The following ZNF99 variants were observed in gnomAD, a reference collection of about 807,000 sequenced individuals.
ZNF99 encodes the protein zinc finger protein 99.
ZNF99 carries 8 observed loss-of-function variants against 12.8 expected under a neutral mutation model. The ratio of observed to expected loss-of-function variants is 0.62; its 90% CI spans 0.37 to 1.13. The LOEUF (loss-of-function observed/expected upper bound fraction) is 1.13, where lower values mean the gene tolerates loss of function less well. Ranked by LOEUF, ZNF99 falls within the 50% of genes most tolerant of loss-of-function variation. ZNF99 has a pLI of 0.02. For synonymous variants in ZNF99, 318 were observed against 319.0 expected, an observed-to-expected ratio of 1.00 and a Z score of 0.03; for missense variants, 1,007 against 1,006.2, an observed-to-expected ratio of 1.00 and a Z score of -0.01.
chr19:22,763,168 C>T (rs568027577), intron 3 of ZNF99, among the ~76,000 whole-genome samples: 8 of 152,130 alleles, frequency 5.3e-5, no homozygotes, highest in African/African-American at 1.7e-4. Flanking sequence ...TAAAGGGCAT[C>T]AAAATTGGTA....
intron 3 of ZNF99, among the ~76,000 whole-genome samples, chr19:22,762,140 A>G (rs1378367769): frequency 1.3e-5 from 2 of 152,076 alleles, no homozygotes; most frequent in Non-Finnish European, 2.9e-5. Context: ...AGTCACAGTC[A>G]GAGCAGAATG....
At chr19:22,779,419 G>A (rs1973363868) in intron 1 of ZNF99, among the ~76,000 whole-genome samples, 1 of 152,080 alleles carries the variant, frequency 6.6e-6, no homozygotes, top group South Asian at 2.1e-4. Context: ...AGCTCCTCAG[G>A]AGGCTAAGGC....
chr19:22,762,240 A>T (rs976795572), intron 3 of ZNF99, among the ~76,000 whole-genome samples: 1 of 152,184 alleles, frequency 6.6e-6, no homozygotes, highest in African/African-American at 2.4e-5. Context: ...TTGATAGACC[A>T]TTAGCAAGAT....
In ZNF99 at chr19:22,757,378, G is replaced by C. The variant is rs1328090133; in HGVS notation, c.2531C>G (p.Pro844Arg). Reference sequence around the variant, plus strand: ...CTTTGCCACATTCTTCACATTTGCAGGGTTTCTCTCCATATGAATTACCTT... The same window carrying C: ...CTTTGCCACATTCTTCACATTTGCACGGTTTCTCTCCATATGAATTACCTT... ...LHKVIHMERN[P>R]ANVKNVAKLL... The change falls in exon 4 of 4, where the codon CCT (proline) becomes CGT (arginine). Residue 844 changes from proline to arginine, a missense_variant. Coordinates refer to ENST00000596209, the MANE Select transcript of ZNF99 (RefSeq NM_001080409.3). 6.2e-7 allele frequency: 1 copy of C among 1,608,972 alleles called. No homozygotes were observed. Among genetic ancestry groups the C allele is most frequent in the African/African-American group, 1.3e-5 (1 of 74,324 alleles).
rs190359054 is a variant in ZNF99, at chr19:22,752,933, T to G, written c.*4381A>C. On this transcript the variant is annotated 3_prime_UTR_variant, in exon 4 of 4. Transcript: ENST00000596209. The stretch of plus-strand genomic sequence containing the variant: ...TTTTAAGTTAACCACAAAAAGCCTC[T>G]CCATTTAGATTTTTATCATGCATTT... 2 of 152,100 alleles carry G rather than the reference T, an allele frequency of 1.3e-5. No individual in the cohort carries two copies. Among genetic ancestry groups the G allele is most frequent in the East Asian group, 3.8e-4 (2 of 5,200 alleles). The allele number at this position is 152,100 out of a possible 1,614,324, so 9.4% of individuals were successfully genotyped here.
At chr19:22,777,557 G>A (rs1369996281) in intron 1 of ZNF99, among the ~76,000 whole-genome samples, 1 of 152,162 alleles carries the variant, frequency 6.6e-6, no homozygotes, top group Non-Finnish European at 1.5e-5. Context: ...AACTCTATGG[G>A]TGAAAGAGAG....
rs34726149 is a variant in ZNF99, at chr19:22,769,309, A to G, written c.19T>C (p.Trp7Arg). 208,930 of 1,606,102 alleles carry G rather than the reference A, an allele frequency of 0.13. 16,331 individuals are homozygous for G. The highest frequency in any genetic ancestry group is 0.38 in the African/African-American group (28,206 of 74,490). Residue 7 changes from tryptophan (W) to arginine (R), a missense_variant, in exon 2 of 4, where the codon TGG becomes CGG. Physicochemically the swap from Trp to Arg is moderately radical, Grantham distance 101 (BLOSUM62 -3). Coordinates refer to ENST00000596209, the MANE Select transcript of ZNF99 (RefSeq NM_001080409.3). ...AGAGCGAATTCTATGGTCACATCCCAAAATGTCAACGATCCCTGAAAAACA... is the reference window on the plus strand; with the variant it reads ...AGAGCGAATTCTATGGTCACATCCCGAAATGTCAACGATCCCTGAAAAACA... MGSLTF[W>R]DVTIEFALEE... is the part of the protein sequence containing the mutation.
rs991720284 is a variant in ZNF99, at chr19:22,762,624, C to T, written c.227-2942G>A. On this transcript the variant is annotated intron_variant, in intron 3 of 3. Transcript: ENST00000596209. ...AAGATAGAGAAAGAGGGAGCCCTTC[C>T]TAATTCATTCTATGAAGCCAGCATC... 5.9e-5 allele frequency among the ~76,000 whole-genome samples: 9 copies of T among 152,210 alleles called. No homozygotes were observed. In the East Asian group the frequency reaches 1.7e-3, roughly 29 times the overall value.
Position 22,756,610 on chromosome 19 carries a change from T to A in ZNF99, c.*704A>T. ...GGATTGCTTAAAAGCTTTGCCACAT[T>A]CTTCACATTTGTACGGTTTCTCCCC... is the stretch of plus-strand genomic sequence containing the variant. On this transcript the variant is annotated 3_prime_UTR_variant, in exon 4 of 4. Transcript: ENST00000596209. 6.3e-7 allele frequency: 1 copy of A among 1,599,956 alleles called. No individual in the cohort carries two copies. Among genetic ancestry groups the A allele is most frequent in the South Asian group, 1.1e-5 (1 of 90,898 alleles).
At chr19:22,781,310 C>T (rs773882873) in intron 1 of ZNF99, among the ~76,000 whole-genome samples, 104 of 151,838 alleles carry the variant, frequency 6.8e-4, no homozygotes, top group Admixed American at 1.9e-3. Context: ...ACTTAAGTGC[C>T]CAATAACTCC....
chr19:22,766,942 T>C (rs1179092025), intron 3 of ZNF99, among the ~76,000 whole-genome samples: 3 of 151,992 alleles, frequency 2.0e-5, no homozygotes, highest in Admixed American at 6.6e-5. Context: ...TGAGACACCA[T>C]GCCTGGCGTA....
chr19:22,758,830 T>G lies in ZNF99; in HGVS notation c.1079A>C (p.Glu360Ala). The change falls in exon 4 of 4, where the codon GAG (glutamate) becomes GCG (alanine). Residue 360 changes from glutamate (E) to alanine (A), a missense_variant. Glu to Ala is a moderately radical substitution (Grantham distance 107). Coordinates refer to ENST00000596209, the MANE Select transcript of ZNF99 (RefSeq NM_001080409.3). ...GGGTTTCTCTTCAGTATGAATTATCTCATGTTTTCTAAGGGTTGAGGACTG... is the reference window on the plus strand; with the variant it reads ...GGGTTTCTCTTCAGTATGAATTATCGCATGTTTTCTAAGGGTTGAGGACTG... ...FSQSSTLRKH[E>A]IIHTEEKPYK... 1 of 1,606,188 alleles carries G rather than the reference T, an allele frequency of 6.2e-7. No homozygotes were observed. The highest frequency in any genetic ancestry group is 8.5e-7 in the Non-Finnish European group (1 of 1,175,026).
chr19:22,756,855 C>A lies in ZNF99; in HGVS notation c.*459G>T, dbSNP rs552303894. 2 of 1,611,848 alleles carry A rather than the reference C, an allele frequency of 1.2e-6. No homozygotes were observed. The highest frequency in any genetic ancestry group is 1.7e-5 in the Admixed American group (1 of 59,934). ...GGCTGAGAAATGCTTAAAAGCTTTG[C>A]CACATTCTTCACATTTGTAGGGTTT... On this transcript the variant is annotated 3_prime_UTR_variant, in exon 4 of 4. Transcript: ENST00000596209.
At chr19:22,769,368 A>C in intron 1 of ZNF99, 44 bp from the exon 2 acceptor site, 1 of 1,567,940 alleles carries the variant, frequency 6.4e-7, no homozygotes, top group Non-Finnish European at 8.6e-7. Context: ...CCAATTGGCC[A>C]TGGACAGAAT....
At position 22,768,359 on chromosome 19, in the gene ZNF99, G is replaced by A. The variant is rs1973227685; in HGVS notation, c.172C>T (p.Gln58Ter). Residue 58 changes from glutamine (Q) to a stop codon, truncating the protein, a stop_gained, in exon 3 of 4, where the codon CAA (glutamine) becomes TAA (stop). Coordinates refer to ENST00000596209, the MANE Select transcript of ZNF99 (RefSeq NM_001080409.3). LOFTEE classifies it high-confidence loss of function. Reference protein sequence around the residue: ...SKLDLITCLKQGKEPWNMKRH... With the variant: ...SKLDLITCLK The stretch of plus-strand genomic sequence containing the variant: ...TTCATATTCCAAGGCTCTTTCCCTT[G>A]CTTCAGACAAGTTATCAAGTCTAGC... The A allele has an allele frequency of 1.2e-6, 2 of 1,613,738 alleles. No individual in the cohort carries two copies. The highest frequency in any genetic ancestry group is 2.2e-5 in the East Asian group (1 of 44,846).
rs1292986676 is a variant in ZNF99, at chr19:22,752,731, A to G, written c.*4583T>C. The G allele has an allele frequency of 6.6e-6, 1 of 152,174 alleles. No individual in the cohort carries two copies. Among genetic ancestry groups the G allele is most frequent in the Non-Finnish European group, 1.5e-5 (1 of 68,008 alleles). 9.4% of individuals were successfully genotyped at this position (152,174 alleles called of 1,614,324 possible). ...CTTAACATGTCAAAAAATGTTTAAAAAATTAAGTTTACATATAATCTAAAA... is the reference window on the plus strand; with the variant it reads ...CTTAACATGTCAAAAAATGTTTAAAGAATTAAGTTTACATATAATCTAAAA... On this transcript the variant is annotated 3_prime_UTR_variant, in exon 4 of 4. Coordinates refer to ENST00000596209, the MANE Select transcript of ZNF99 (RefSeq NM_001080409.3).
intron 3 of ZNF99, among the ~76,000 whole-genome samples, chr19:22,761,982 C>A (rs946284890): frequency 6.6e-6 from 1 of 151,986 alleles, no homozygotes; most frequent in African/African-American, 2.4e-5. Context: ...TAGGATACAG[C>A]AAAGGAGATG....
rs552617618 is a variant in ZNF99, at chr19:22,757,145, A to G, written c.*169T>C. On this transcript the variant is annotated 3_prime_UTR_variant, in exon 4 of 4. Transcript: ENST00000596209. Reference sequence around the variant, plus strand: ...TTTGTAGGGCTTCTCCCCAGTATGAACTGCTTTATGTCTAGTAAGGTGTGA... The same window carrying G: ...TTTGTAGGGCTTCTCCCCAGTATGAGCTGCTTTATGTCTAGTAAGGTGTGA... 1.9e-6 allele frequency: 3 copies of G among 1,612,746 alleles called. No individual in the cohort carries two copies. The highest frequency in any genetic ancestry group is 2.7e-5 in the African/African-American group (2 of 74,834).
In ZNF99 at chr19:22,758,181, T is replaced by C. The variant is rs753512262; in HGVS notation, c.1728A>G (p.Gln576=). 6 of 1,609,626 alleles carry C rather than the reference T, an allele frequency of 3.7e-6. No individual in the cohort carries two copies. The highest frequency in any genetic ancestry group is 1.4e-5 in the African/African-American group (1 of 73,502). The change falls in exon 4 of 4, where the codon CAA becomes CAG. Residue 576 remains glutamine, a synonymous_variant. Transcript: ENST00000596209. ...KCEECGKAFK[Q]SSHLTRHKAI... Reference sequence around the variant, plus strand: ...CTTTATGTCTAGTAAGATGTGAAGATTGCTTAAAAGCTTTGCCACATTCTT... The same window carrying C: ...CTTTATGTCTAGTAAGATGTGAAGACTGCTTAAAAGCTTTGCCACATTCTT...
Sources: gnomAD v4.1 joint callset for allele counts (sites outside exome capture counted in the v4.1 genomes callset) on GRCh38, gnomAD v4.1.1 for gene constraint, MANE v1.5 for transcripts, NCBI Gene and HGNC (gene_info 2026-07-23, HGNC 2026-07-21) for gene names.